The following LGSN variants were observed in gnomAD, a reference collection of about 807,000 sequenced individuals.
LGSN encodes lengsin, lens protein with glutamine synthetase domain, also known as lengsin.
LGSN carries 21 observed loss-of-function variants against 19.5 expected under a neutral mutation model. That is an observed-to-expected ratio of 1.07 (90% CI 0.76 to 1.55). The LOEUF is 1.55. Among genes scored for constraint, LGSN ranks in the 40% most tolerant of loss-of-function variants. The pLI, the probability that LGSN is intolerant of heterozygous loss-of-function variation, is 0.00. For missense variants in LGSN, 673 were observed against 608.5 expected, an observed-to-expected ratio of 1.11 and a Z score of -1.12; for synonymous variants, 257 against 215.6, an observed-to-expected ratio of 1.19 and a Z score of -1.68.
intron 2 of LGSN, among the ~76,000 whole-genome samples, chr6:63,286,800 T>G (rs1767557756): frequency 6.6e-6 from 1 of 152,204 alleles, no homozygotes; most frequent in Non-Finnish European, 1.5e-5. Flanking sequence ...CTAGCAACAA[T>G]CTTATCCTTT....
At chr6:63,368,004 G>T in the LGSN span, among the ~76,000 whole-genome samples, 7 of 151,690 alleles carry the variant, frequency 4.6e-5, no homozygotes, top group Non-Finnish European at 7.4e-5. Flanking sequence ...GACGAGTTAA[G>T]GGGTACAGCA....
At chr6:63,405,955 T>C in the LGSN span, among the ~76,000 whole-genome samples, 4 of 152,100 alleles carry the variant, frequency 2.6e-5, no homozygotes, top group Non-Finnish European at 5.9e-5. Context: ...GGTAAAGGGA[T>C]CAATTCAACA....
At position 63,276,882 on chromosome 6, in the gene LGSN, C is replaced by A. The variant is rs534556753; in HGVS notation, c.*3139G>T. 6.6e-6 allele frequency: 1 copy of A among 152,306 alleles called. No homozygotes were observed. Among genetic ancestry groups the A allele is most frequent in the South Asian group, 2.1e-4 (1 of 4,828 alleles). 9.4% of individuals were successfully genotyped at this position (152,306 alleles called of 1,614,324 possible). On this transcript the variant is annotated 3_prime_UTR_variant, in exon 4 of 4. Transcript: ENST00000370657. ...ATGAAAGAAATAGAAAAATAGATAA[C>A]TGATTTTTACATGTACCTACCCCAA... is the stretch of plus-strand genomic sequence containing the variant.
chr6:63,420,168 A>T, the LGSN span, among the ~76,000 whole-genome samples: 7 of 150,044 alleles, frequency 4.7e-5, no homozygotes, highest in Non-Finnish European at 8.9e-5. Flanking sequence ...GCACCACTGC[A>T]CTCCAGCGGA....
At chr6:63,503,407 T>C in the LGSN span, among the ~76,000 whole-genome samples, 1 of 152,188 alleles carries the variant, frequency 6.6e-6, no homozygotes, top group Non-Finnish European at 1.5e-5. Flanking sequence ...TCCAAGGTAT[T>C]CGCAGTGGTC....
the LGSN span, among the ~76,000 whole-genome samples, chr6:63,344,669 A>C: frequency 6.6e-6 from 1 of 152,144 alleles, no homozygotes; most frequent in Non-Finnish European, 1.5e-5. Flanking sequence ...TGAATGTATG[A>C]AGAGGAGATT....
chr6:63,384,536 T>TGTGA, the LGSN span, among the ~76,000 whole-genome samples: 22 of 147,562 alleles, frequency 1.5e-4, no homozygotes, highest in East Asian at 3.9e-4. Context: ...TGTGTGTGTG[T>TGTGA]GATGGAGTTT....
chr6:63,549,520 CT>C, the LGSN span: 2 of 673,038 alleles, frequency 3.0e-6, no homozygotes, highest in Non-Finnish European at 2.6e-6. Context: ...AGGAGAGAGC[CT>C]GATTTAATTA....
rs2347256 is a variant in LGSN at position 63,277,570 on chromosome 6, A to G, written c.*2451T>C. On this transcript the variant is annotated 3_prime_UTR_variant, in exon 4 of 4. Coordinates refer to ENST00000370657, the MANE Select transcript of LGSN (RefSeq NM_016571.3). ...AATCAAAATCATTGTGGCTTAAAGA[A>G]GATAGAAGTTTGGTTCTCTCTCAGG... 61,154 of 152,106 alleles carry G rather than the reference A, an allele frequency of 0.4. 13,395 individuals are homozygous for G. The highest frequency in any genetic ancestry group is 0.47 in the Non-Finnish European group (31,947 of 67,986). The allele number at this position is 152,106 out of a possible 1,614,324, so 9.4% of individuals were successfully genotyped here.
the LGSN span, among the ~76,000 whole-genome samples, chr6:63,400,938 G>A: frequency 3.9e-5 from 6 of 151,928 alleles, no homozygotes; most frequent in African/African-American, 4.8e-5. Context: ...AGGTTGCAGC[G>A]AGCTGAAATG....
At chr6:63,559,613 T>G in the LGSN span, among the ~76,000 whole-genome samples, 3 of 151,800 alleles carry the variant, frequency 2.0e-5, no homozygotes, top group Non-Finnish European at 2.9e-5. Flanking sequence ...GGCATGGTGG[T>G]GTATGCCTGT....
chr6:63,514,173 C>G, the LGSN span, among the ~76,000 whole-genome samples: 24 of 152,162 alleles, frequency 1.6e-4, no homozygotes, highest in Non-Finnish European at 3.4e-4. Context: ...GTAGAAATCT[C>G]TGTTGTGCTC....
At chr6:63,494,988 C>T in the LGSN span, among the ~76,000 whole-genome samples, 3 of 152,056 alleles carry the variant, frequency 2.0e-5, no homozygotes, top group South Asian at 2.1e-4. Context: ...TATTAAAATA[C>T]CATGCATTTT....
At chr6:63,548,995 C>T in the LGSN span, 1 of 731,520 alleles carries the variant, frequency 1.4e-6, no homozygotes, top group South Asian at 1.4e-5. Context: ...TGACACAGGG[C>T]AGGCAAGAAG....
At chr6:63,486,954 G>A in the LGSN span, among the ~76,000 whole-genome samples, 1 of 151,846 alleles carries the variant, frequency 6.6e-6, no homozygotes, top group Non-Finnish European at 1.5e-5. Flanking sequence ...TCCTACCTCA[G>A]CCTCCTGAGT....
chr6:63,277,439 C>T lies in LGSN; in HGVS notation c.*2582G>A, dbSNP rs961959155. On this transcript the variant is annotated 3_prime_UTR_variant, in exon 4 of 4. Transcript: ENST00000370657. ...GGTTCTTATACCTTTGTTCTTTCATCCCCAAATCCCTCAAATTCCCCACTC... is the reference window on the plus strand; with the variant it reads ...GGTTCTTATACCTTTGTTCTTTCATTCCCAAATCCCTCAAATTCCCCACTC... The T allele has an allele frequency of 6.6e-6, 1 of 152,070 alleles. No homozygotes were observed. Among genetic ancestry groups the T allele is most frequent in the African/African-American group, 2.4e-5 (1 of 41,406 alleles). The allele number at this position is 152,070 out of a possible 1,614,324, so 9.4% of individuals were successfully genotyped here.
chr6:63,441,251 C>T, the LGSN span: 3 of 351,486 alleles, frequency 8.5e-6, no homozygotes, highest in South Asian at 9.7e-5. Flanking sequence ...ATTTCTGTGG[C>T]CTCACACACC....
At chr6:63,410,466 A>G in the LGSN span, among the ~76,000 whole-genome samples, 1 of 152,240 alleles carries the variant, frequency 6.6e-6, no homozygotes, top group Non-Finnish European at 1.5e-5. Context: ...TTTATTTAGC[A>G]GCAGAAACTT....
At chr6:63,510,845 T>G in the LGSN span, among the ~76,000 whole-genome samples, 1 of 151,952 alleles carries the variant, frequency 6.6e-6, no homozygotes, top group African/African-American at 2.4e-5. Flanking sequence ...GGCTAATTTT[T>G]GTATTTTCAG....
Sources: allele counts gnomAD v4.1 joint callset (sites outside exome capture counted in the v4.1 genomes callset), GRCh38; gene constraint gnomAD v4.1.1; transcripts MANE v1.5; gene names NCBI Gene and HGNC (gene_info 2026-07-23, HGNC 2026-07-21).